DIS3L2: variants seen among roughly 807,000 people sequenced by gnomAD.
The protein encoded by DIS3L2 is DIS3 like 3'-5' exoribonuclease 2, also known as DIS3-like exonuclease 2.
DIS3L2 carries 34 observed loss-of-function variants against 97.5 expected under a neutral mutation model. The ratio of observed to expected loss-of-function variants is 0.35; its 90% CI spans 0.27 to 0.46. The LOEUF is 0.46. DIS3L2 is among the 20% of genes least tolerant of loss of function. The pLI is 1.00. For missense variants in DIS3L2, 1,038 were observed against 1,146.0 expected (o/e 0.91, Z 1.36); for synonymous variants, 435 against 445.2 (o/e 0.98, Z 0.29).
intron 1 of DIS3L2, among the ~76,000 whole-genome samples, chr2:232,003,609 T>C (rs1409247017): frequency 6.6e-6 from 1 of 152,224 alleles, no homozygotes; most frequent in Non-Finnish European, 1.5e-5. Flanking sequence ...AAGAACTCAG[T>C]ATGGCGTTTC....
chr2:232,159,580 C>T (rs563468980), intron 8 of DIS3L2, among the ~76,000 whole-genome samples: 10 of 152,296 alleles, frequency 6.6e-5, no homozygotes, highest in South Asian at 2.1e-4. Flanking sequence ...TTATAGGCAA[C>T]GTGCAATTCT....
chr2:232,097,591 G>A (rs1697059785), intron 6 of DIS3L2, among the ~76,000 whole-genome samples: 1 of 152,144 alleles, frequency 6.6e-6, no homozygotes, highest in African/African-American at 2.4e-5. Context: ...GGGCTCCTCA[G>A]TCAACTTGTG....
intron 14 of DIS3L2, among the ~76,000 whole-genome samples, chr2:232,319,220 C>G (rs1177340799): frequency 6.6e-6 from 1 of 152,222 alleles, no homozygotes; most frequent in Non-Finnish European, 1.5e-5. Context: ...CACTGGCCTT[C>G]CCATGTGGGG....
intron 13 of DIS3L2, among the ~76,000 whole-genome samples, chr2:232,266,879 A>G (rs980308691): frequency 2.6e-5 from 4 of 152,192 alleles, no homozygotes; most frequent in African/African-American, 9.7e-5. Context: ...GGTACCATTT[A>G]TTTACACATC....
At chr2:232,340,380 G>A (rs1002474203), downstream of DIS3L2, among the ~76,000 whole-genome samples, 15 of 152,164 alleles carry the variant, frequency 9.9e-5, no homozygotes, top group African/African-American at 3.6e-4. Context: ...AAGAGGGATG[G>A]CTGGAATCAT....
At chr2:232,286,949 A>G (rs1694451589) in intron 13 of DIS3L2, among the ~76,000 whole-genome samples, 1 of 151,920 alleles carries the variant, frequency 6.6e-6, no homozygotes, top group Non-Finnish European at 1.5e-5. Flanking sequence ...CTGGCCTGTC[A>G]TTGGTTGTTT....
chr2:232,275,605 G>A (rs1278065572), intron 13 of DIS3L2, among the ~76,000 whole-genome samples: 4 of 152,194 alleles, frequency 2.6e-5, no homozygotes, highest in Admixed American at 2.6e-4. Flanking sequence ...TGATTCCCTT[G>A]TTAAGTGACA....
In DIS3L2 at chr2:232,174,763, A is replaced by G. The variant is rs1691101664; in HGVS notation, c.1124+11131A>G. Among the ~76,000 whole-genome samples, 3 of 151,960 alleles carry G rather than the reference A, an allele frequency of 2.0e-5. No homozygotes were observed. The South Asian group carries it at 6.2e-4, about 32-fold the overall frequency. ...TTACTCAAGCTAGGACCTTCTGTAC[A>G]GTGTTGAATAGAATTAATGGAAGTG... On this transcript the variant is annotated intron_variant, in intron 9 of 20. Coordinates refer to ENST00000325385, the MANE Select transcript of DIS3L2 (RefSeq NM_152383.5).
chr2:232,149,319 G>C (rs1294528555), intron 8 of DIS3L2, among the ~76,000 whole-genome samples: 3 of 142,454 alleles, frequency 2.1e-5, no homozygotes, highest in Non-Finnish European at 4.6e-5. Context: ...CTAGCATTAG[G>C]TATATCTCCC....
At chr2:232,267,779 A>T (rs976701366) in intron 13 of DIS3L2, among the ~76,000 whole-genome samples, 1 of 152,116 alleles carries the variant, frequency 6.6e-6, no homozygotes. Context: ...GCTTCTTGGG[A>T]CACGAAGCCT....
chr2:232,103,122 T>G (rs886236854), intron 6 of DIS3L2, among the ~76,000 whole-genome samples: 4 of 152,214 alleles, frequency 2.6e-5, no homozygotes, highest in African/African-American at 9.6e-5. Flanking sequence ...TTTGTAAAAG[T>G]GAAACGTTCA....
At chr2:232,315,850 C>T (rs1695257694) in intron 14 of DIS3L2, among the ~76,000 whole-genome samples, 1 of 152,200 alleles carries the variant, frequency 6.6e-6, no homozygotes, top group Non-Finnish European at 1.5e-5. Flanking sequence ...ACAGCAAGGC[C>T]TGGCTGAGAT....
In DIS3L2 at chr2:232,063,569, T is replaced by C. The variant is rs956155148; in HGVS notation, c.367-23918T>C. On this transcript the variant is annotated intron_variant, in intron 5 of 20. Coordinates refer to ENST00000325385, the MANE Select transcript of DIS3L2 (RefSeq NM_152383.5). ...GCAAACATGCCTACTTCTTGAACTTTTTAAACTATGACATCTTTTTTCATC... is the reference window on the plus strand; with the variant it reads ...GCAAACATGCCTACTTCTTGAACTTCTTAAACTATGACATCTTTTTTCATC... Among the ~76,000 whole-genome samples, 14 of 152,346 alleles carry C rather than the reference T, an allele frequency of 9.2e-5. 1 individual carries two copies. Among genetic ancestry groups the C allele is most frequent in the South Asian group, 8.3e-4 (4 of 4,824 alleles).
chr2:232,270,879 T>C (rs1693979959), intron 13 of DIS3L2, among the ~76,000 whole-genome samples: 1 of 125,860 alleles, frequency 7.9e-6, no homozygotes, highest in African/African-American at 3.4e-5. Flanking sequence ...TCTCTCTCTC[T>C]CTCTCTCTCT....
intron 10 of DIS3L2, among the ~76,000 whole-genome samples, chr2:232,212,402 A>C (rs767283757): frequency 8.5e-5 from 13 of 152,186 alleles, no homozygotes; most frequent in Non-Finnish European, 1.5e-4. Flanking sequence ...GGATACATCT[A>C]CTACCTGTTC....
chr2:232,023,233 A>C (rs1186718185), intron 3 of DIS3L2: 1 of 152,114 alleles, frequency 6.6e-6, no homozygotes, highest in Non-Finnish European at 1.5e-5. Flanking sequence ...TATAGTCCAT[A>C]CTCAATAATT....
chr2:232,129,098 T>C (rs956098212), intron 6 of DIS3L2, among the ~76,000 whole-genome samples: 2 of 152,182 alleles, frequency 1.3e-5, no homozygotes, highest in East Asian at 3.8e-4. Context: ...GGATGGAATC[T>C]GAGGTAACAG....
intron 6 of DIS3L2, among the ~76,000 whole-genome samples, chr2:232,108,746 A>G (rs1022891503): frequency 2.6e-5 from 4 of 152,208 alleles, no homozygotes; most frequent in Admixed American, 1.3e-4. Context: ...AATCTCTAGC[A>G]TTCCTTTACA....
chr2:232,204,994 A>T, intron 9 of DIS3L2, among the ~76,000 whole-genome samples: 1 of 152,012 alleles, frequency 6.6e-6, no homozygotes, highest in East Asian at 1.9e-4. Context: ...TTCCATAGTG[A>T]GAGAGGAAGC....
Sources: allele counts gnomAD v4.1 joint callset (sites outside exome capture counted in the v4.1 genomes callset), GRCh38; gene constraint gnomAD v4.1.1; transcripts MANE v1.5; gene names NCBI Gene and HGNC (gene_info 2026-07-23, HGNC 2026-07-21).